The following RASGRP3 variants were observed in gnomAD, a reference collection of about 807,000 sequenced individuals.
The protein encoded by RASGRP3 is RAS guanyl releasing protein 3.
In RASGRP3, 54 loss-of-function variants were observed where a neutral mutation model predicts 82.7. The ratio of observed to expected loss-of-function variants is 0.65; its 90% CI spans 0.52 to 0.82. The LOEUF (loss-of-function observed/expected upper bound fraction) is 0.82, where lower values mean the gene tolerates loss of function less well. RASGRP3 is among the 40% of genes least tolerant of loss of function. The pLI, the probability that RASGRP3 is intolerant of heterozygous loss-of-function variation, is 0.00. For missense variants in RASGRP3, 861 were observed against 828.9 expected, an observed-to-expected ratio of 1.04 and a Z score of -0.48; for synonymous variants, 309 against 300.5, an observed-to-expected ratio of 1.03 and a Z score of -0.29.
chr2:33,464,246 G>T (rs757143945), intron 2 of RASGRP3, among the ~76,000 whole-genome samples: 1 of 148,574 alleles, frequency 6.7e-6, no homozygotes, highest in Non-Finnish European at 1.5e-5. Flanking sequence ...AGACTCCCAA[G>T]TAGCTGGGAT....
chr2:33,521,353 C>G (rs1017344479), intron 6 of RASGRP3, among the ~76,000 whole-genome samples: 1 of 152,152 alleles, frequency 6.6e-6, no homozygotes, highest in Admixed American at 6.5e-5. Context: ...ATCCATCTTG[C>G]AAATGTCTGT....
chr2:33,534,694 A>ATT (rs71910431), intron 11 of RASGRP3, among the ~76,000 whole-genome samples: 4,262 of 122,132 alleles, frequency 0.035, 256 homozygotes, highest in African/African-American at 0.12. Context: ...ACACCCAGCA[A>ATT]TTTTTTTTTT....
chr2:33,461,718 C>T (rs1232287788), intron 2 of RASGRP3, among the ~76,000 whole-genome samples: 1 of 152,152 alleles, frequency 6.6e-6, no homozygotes, highest in East Asian at 1.9e-4. Context: ...CCCAGGAAGC[C>T]GTAAGAATAT....
chr2:33,512,400 TA>T (rs922059266), intron 2 of RASGRP3, among the ~76,000 whole-genome samples: 6 of 151,278 alleles, frequency 4.0e-5, no homozygotes, highest in African/African-American at 1.2e-4. Flanking sequence ...AGTAACAGGC[TA>T]AAAAAAAATG....
intron 2 of RASGRP3, among the ~76,000 whole-genome samples, chr2:33,462,326 A>C (rs1443011565): frequency 6.6e-6 from 1 of 151,756 alleles, no homozygotes; most frequent in African/African-American, 2.4e-5. Flanking sequence ...GAGGCAGAAG[A>C]AGCCTAGAGT....
intron 11 of RASGRP3, among the ~76,000 whole-genome samples, chr2:33,534,688 C>T (rs1382754889): frequency 1.4e-5 from 2 of 143,976 alleles, no homozygotes; most frequent in African/African-American, 5.3e-5. Flanking sequence ...ACTGCCACAC[C>T]CAGCAATTTT....
At chr2:33,467,284 C>T (rs908917301) in intron 2 of RASGRP3, among the ~76,000 whole-genome samples, 1 of 152,054 alleles carries the variant, frequency 6.6e-6, no homozygotes, top group Non-Finnish European at 1.5e-5. Context: ...AAAGTCTACT[C>T]TCTGATGCTT....
In RASGRP3 at chr2:33,527,424, G is replaced by A; in HGVS notation, c.1083+12G>A. 6.2e-7 allele frequency: 1 copy of A among 1,603,478 alleles called. No individual in the cohort carries two copies. On this transcript the variant is annotated intron_variant, in intron 10 of 17. Transcript: ENST00000403687. ...TCAACCTGCTCACGGTGAGTTCCAA[G>A]GAGCCAAGTTTGGGCTCAATAATTC... is the stretch of plus-strand genomic sequence containing the variant.
chr2:33,537,320 A>ACCCC lies in RASGRP3; in HGVS notation c.1162-1772_1162-1771insCCCC, dbSNP rs1266542679. Among the ~76,000 whole-genome samples the ACCCC allele has an allele frequency of 2.3e-3, 76 of 33,278 alleles. 2 individuals are homozygous for ACCCC. Among genetic ancestry groups the ACCCC allele is most frequent in the Middle Eastern group, 0.016 (1 of 62 alleles). 21.8% of individuals were successfully genotyped at this position (33,278 alleles called of 152,430 possible). A position where few individuals can be genotyped will look rare whatever the true frequency, so the allele number is the denominator to read the frequency against. On this transcript the variant is annotated intron_variant, in intron 11 of 17. Transcript: ENST00000403687. ...GTCTCTAAAATACACACACACACAC[A>ACCCC]CCGCCCCCCCCACACACACACACAA...
At chr2:33,539,426 C>T in intron 12 of RASGRP3, 2 of 457,392 alleles carry the variant, frequency 4.4e-6, no homozygotes. Flanking sequence ...TGCCCAGATA[C>T]TCTCAGCTAC....
Position 33,535,265 on chromosome 2 carries a change from T to C in RASGRP3, c.1161+865T>C, listed in dbSNP as rs150784500. Among the ~76,000 whole-genome samples, 545 of 152,356 alleles carry C rather than the reference T, an allele frequency of 3.6e-3. 1 individual carries two copies. The highest frequency in any genetic ancestry group is 0.012 in the African/African-American group (517 of 41,582). Reference sequence around the variant, plus strand: ...ATTGAAGAAATTGCATTATTGAATATACACCACTCATTGGTTTTAGTGGAT... The same window carrying C: ...ATTGAAGAAATTGCATTATTGAATACACACCACTCATTGGTTTTAGTGGAT... On this transcript the variant is annotated intron_variant, in intron 11 of 17. Transcript: ENST00000403687.
intron 11 of RASGRP3, among the ~76,000 whole-genome samples, chr2:33,534,747 T>G (rs1195884777): frequency 6.6e-6 from 1 of 150,608 alleles, no homozygotes; most frequent in East Asian, 1.9e-4. Flanking sequence ...TTTCACTATG[T>G]TGGCCCCGGC....
chr2:33,550,795 G>C (rs1424504007), intron 14 of RASGRP3, among the ~76,000 whole-genome samples: 2 of 152,146 alleles, frequency 1.3e-5, no homozygotes, highest in African/African-American at 2.4e-5. Context: ...CAAAGAACTG[G>C]CTTTCAGGAG....
chr2:33,518,839 C>T (rs1419625218), intron 4 of RASGRP3, among the ~76,000 whole-genome samples: 1 of 151,926 alleles, frequency 6.6e-6, no homozygotes, highest in African/African-American at 2.4e-5. Context: ...CTCTTGTTCC[C>T]CTGGAAGGTG....
intron 17 of RASGRP3, among the ~76,000 whole-genome samples, chr2:33,562,229 A>C (rs1676744213): frequency 6.6e-6 from 1 of 151,324 alleles, no homozygotes; most frequent in South Asian, 2.1e-4. Context: ...GGAGTCTTTA[A>C]GAGTTCATAT....
rs72865979 is a variant in RASGRP3 at position 33,489,129 on chromosome 2, A to G, written c.-261+12422A>G. 5.1e-3 allele frequency among the ~76,000 whole-genome samples: 781 copies of G among 152,308 alleles called. 4 individuals carry two copies. Among genetic ancestry groups the G allele is most frequent in the African/African-American group, 0.018 (755 of 41,562 alleles). On this transcript the variant is annotated intron_variant, in intron 1 of 17. Coordinates refer to ENST00000403687, the MANE Select transcript of RASGRP3 (RefSeq NM_001139488.2). ...ACTGGCATCTAGTTAGTAGAGACCAACGATGCTGCTAAACATCCCAAAATG... is the reference window on the plus strand; with the variant it reads ...ACTGGCATCTAGTTAGTAGAGACCAGCGATGCTGCTAAACATCCCAAAATG...
At chr2:33,448,996 G>C (rs1000703885) in intron 2 of RASGRP3, among the ~76,000 whole-genome samples, 14 of 152,140 alleles carry the variant, frequency 9.2e-5, no homozygotes, top group Non-Finnish European at 1.6e-4. Context: ...TTGTTGTAAT[G>C]AGATTCATTA....
intron 1 of RASGRP3, among the ~76,000 whole-genome samples, chr2:33,477,584 A>G (rs895718908): frequency 1.2e-4 from 19 of 152,230 alleles, no homozygotes; most frequent in Admixed American, 8.5e-4. Flanking sequence ...GCTCCTTCTC[A>G]GGTTCATTCA....
At chr2:33,449,371 C>T (rs992794999) in intron 2 of RASGRP3, among the ~76,000 whole-genome samples, 1 of 152,078 alleles carries the variant, frequency 6.6e-6, no homozygotes, top group Non-Finnish European at 1.5e-5. Flanking sequence ...AGACATAATA[C>T]GTTATACTAT....
Sources: allele counts gnomAD v4.1 joint callset (sites outside exome capture counted in the v4.1 genomes callset), GRCh38; gene constraint gnomAD v4.1.1; transcripts MANE v1.5; gene names NCBI Gene and HGNC (gene_info 2026-07-23, HGNC 2026-07-21).